The following GLIS1 variants were observed in gnomAD, a reference collection of about 807,000 sequenced individuals.
GLIS1 encodes the protein zinc finger protein GLIS1.
In GLIS1, 24 loss-of-function variants were observed where a neutral mutation model predicts 63.8. The observed-to-expected ratio is 0.38, with a 90% CI of 0.27 to 0.53. The LOEUF is 0.53. Among genes scored for constraint, GLIS1 ranks in the 20% least tolerant of loss-of-function variants. The pLI is 0.85. For missense variants in GLIS1, 1,036 were observed against 1,074.1 expected (o/e 0.96, Z 0.50); for synonymous variants, 450 against 482.5 (o/e 0.93, Z 0.88).
At chr1:53,575,252 G>A (rs1391627699) in intron 4 of GLIS1, among the ~76,000 whole-genome samples, 1 of 152,154 alleles carries the variant, frequency 6.6e-6, no homozygotes, top group Non-Finnish European at 1.5e-5. Context: ...ACAAGCCTCT[G>A]TTCACACACG....
In GLIS1 at chr1:53,538,242, C is replaced by G. The variant is rs545526703; in HGVS notation, c.1321-8290G>C. Among the ~76,000 whole-genome samples, 349 of 152,202 alleles carry G rather than the reference C, an allele frequency of 2.3e-3. 1 individual carries two copies. Among genetic ancestry groups the G allele is most frequent in the African/African-American group, 7.9e-3 (326 of 41,526 alleles). ...AGGCTGGAGGGCACTGACCCGGGCT[C>G]TTTGATTTGGACCGTGAGGCTCTCG... On this transcript the variant is annotated intron_variant, in intron 4 of 10. Transcript: ENST00000628545.
intron 6 of GLIS1, among the ~76,000 whole-genome samples, chr1:53,523,159 T>C (rs1311527542): frequency 1.3e-5 from 2 of 151,984 alleles, no homozygotes; most frequent in Non-Finnish European, 2.9e-5. Flanking sequence ...GTACAGTGCC[T>C]GAGCCTCAGA....
chr1:53,656,710 G>A (rs1035785570), intron 2 of GLIS1, among the ~76,000 whole-genome samples: 6 of 152,324 alleles, frequency 3.9e-5, no homozygotes, highest in African/African-American at 9.6e-5. Context: ...GAAAGGGGTC[G>A]GAGAGGGCCA....
intron 2 of GLIS1, among the ~76,000 whole-genome samples, chr1:53,701,752 G>T (rs377328055): frequency 6.6e-6 from 1 of 152,112 alleles, no homozygotes; most frequent in Admixed American, 6.5e-5. Context: ...CAGCACTTTG[G>T]GGGGCCGAGG....
chr1:53,723,470 G>A (rs1646776637), intron 2 of GLIS1, among the ~76,000 whole-genome samples: 1 of 152,198 alleles, frequency 6.6e-6, no homozygotes, highest in Non-Finnish European at 1.5e-5. Context: ...CTGACCTCAG[G>A]TGATCCGCCT....
intron 4 of GLIS1, among the ~76,000 whole-genome samples, chr1:53,555,019 C>G (rs1644803561): frequency 6.6e-6 from 1 of 152,166 alleles, no homozygotes; most frequent in Admixed American, 6.5e-5. Flanking sequence ...CCTGGGCAGA[C>G]CTGGGCAGCT....
intron 2 of GLIS1, among the ~76,000 whole-genome samples, chr1:53,672,822 G>A (rs1198876829): frequency 6.6e-6 from 1 of 152,188 alleles, no homozygotes; most frequent in Non-Finnish European, 1.5e-5. Flanking sequence ...CCAGCTCAGG[G>A]CTGGGTATAA....
At chr1:53,552,719 G>A (rs1481357099) in intron 4 of GLIS1, among the ~76,000 whole-genome samples, 1 of 152,210 alleles carries the variant, frequency 6.6e-6, no homozygotes, top group Non-Finnish European at 1.5e-5. Context: ...TAGAGGCTGA[G>A]GGGCCAGAGG....
intron 4 of GLIS1, among the ~76,000 whole-genome samples, chr1:53,577,508 C>T (rs373070148): frequency 9.2e-5 from 14 of 152,208 alleles, no homozygotes; most frequent in African/African-American, 3.4e-4. Flanking sequence ...ACTATCACTC[C>T]TTGAGTGCGG....
chr1:53,513,503 T>A (rs1042634503), intron 8 of GLIS1, among the ~76,000 whole-genome samples: 2 of 152,134 alleles, frequency 1.3e-5, no homozygotes, highest in East Asian at 3.9e-4. Flanking sequence ...TGCTACTCCT[T>A]CCTCCCAGCT....
At chr1:53,508,345 T>C (rs889064783) in intron 10 of GLIS1, among the ~76,000 whole-genome samples, 3 of 152,164 alleles carry the variant, frequency 2.0e-5, no homozygotes, top group Non-Finnish European at 4.4e-5. Flanking sequence ...CTTGTCCCTA[T>C]ATACCTGTCC....
chr1:53,726,578 G>T (rs1366343497), intron 2 of GLIS1, among the ~76,000 whole-genome samples: 1 of 152,080 alleles, frequency 6.6e-6, no homozygotes, highest in South Asian at 2.1e-4. Context: ...AGAGGTGGGG[G>T]TGTGCCTCCA....
At chr1:53,584,584 C>T (rs184836550) in intron 4 of GLIS1, among the ~76,000 whole-genome samples, 125 of 152,290 alleles carry the variant, frequency 8.2e-4, no homozygotes, top group African/African-American at 3.0e-3. Flanking sequence ...GAACTTGGCA[C>T]AAGGGGGTGT....
intron 2 of GLIS1, among the ~76,000 whole-genome samples, chr1:53,666,736 C>T (rs1042144476): frequency 6.6e-6 from 1 of 152,114 alleles, no homozygotes; most frequent in Non-Finnish European, 1.5e-5. Context: ...GCACCTCACA[C>T]CCTCTACTCA....
In GLIS1 at chr1:53,639,836, C is replaced by T. The variant is rs1645767004; in HGVS notation, c.260-39558G>A. On this transcript the variant is annotated intron_variant, in intron 2 of 10. Transcript: ENST00000628545. This position sits in a 1 kb window ranked among gnomAD's most constrained non-coding sequence, Gnocchi z 4.6. ...GCTGCCCCGAGGTTCTGCTTTGCCA[C>T]TGAGGAAAGTAGGCAAATGTGGATG... Among the ~76,000 whole-genome samples the T allele has an allele frequency of 6.6e-6, 1 of 152,160 alleles. No individual in the cohort carries two copies. Among genetic ancestry groups the T allele is most frequent in the South Asian group, 2.1e-4 (1 of 4,828 alleles).
intron 9 of GLIS1, 140 bp downstream of exon 9, chr1:53,509,709 G>T (rs975660135): frequency 2.0e-6 from 1 of 493,426 alleles, no homozygotes; most frequent in Non-Finnish European, 3.3e-6. Context: ...CTGTCTCCTA[G>T]CTTCTCTCAG....
intron 2 of GLIS1, among the ~76,000 whole-genome samples, chr1:53,668,454 T>C (rs984864112): frequency 1.3e-5 from 2 of 152,180 alleles, no homozygotes; most frequent in Non-Finnish European, 2.9e-5. Context: ...TGCTGCCCCC[T>C]GGGTTCAAGC....
chr1:53,737,951 G>T lies in GLIS1; in HGVS notation c.114C>A (p.Val38=). The T allele has an allele frequency of 8.1e-7, 1 of 1,230,172 alleles. No homozygotes were observed. Among genetic ancestry groups the T allele is most frequent in the South Asian group, 4.1e-5 (1 of 24,292 alleles). 76.2% of individuals were successfully genotyped at this position (1,230,172 alleles called of 1,614,324 possible). ...CCCCGCAGCCGCCGCCACTCACGGT[G>T]ACCCTGAAGGCCATGTGCGCGCCGA... The part of the protein sequence containing the change: ...ASLGAHMAFR[V]TVSGGGCGDR... Residue 38 remains valine, a synonymous_variant, in exon 2 of 11, where the codon GTC becomes GTA. Coordinates refer to ENST00000628545, the MANE Select transcript of GLIS1 (RefSeq NM_001367484.1).
rs1428313958 is a variant in GLIS1, at chr1:53,554,773, C to T, written c.1321-24821G>A. On this transcript the variant is annotated intron_variant, in intron 4 of 10. Coordinates refer to ENST00000628545, the MANE Select transcript of GLIS1 (RefSeq NM_001367484.1). ...CACAGCCGGGTCTGACAGGCTGGGG[C>T]ACATTCCCCTGAGAGCCACTGTGGG... is the stretch of plus-strand genomic sequence containing the variant. 2.0e-5 allele frequency among the ~76,000 whole-genome samples: 3 copies of T among 152,206 alleles called. No individual in the cohort carries two copies. In the East Asian group the frequency reaches 5.8e-4, roughly 29 times the overall value.
Sources: allele counts gnomAD v4.1 joint callset (sites outside exome capture counted in the v4.1 genomes callset), GRCh38; gene constraint gnomAD v4.1.1; non-coding constraint Gnocchi (gnomAD v3.1); transcripts MANE v1.5; gene names NCBI Gene and HGNC (gene_info 2026-07-23, HGNC 2026-07-21).